Variants in FAHD2A observed in about 807,000 individuals in gnomAD.
The protein encoded by FAHD2A is fumarylacetoacetate hydrolase domain containing 2A.
A neutral mutation model predicts 33.4 loss-of-function variants in FAHD2A; 27 were observed. The observed-to-expected ratio is 0.81, with a 90% CI of 0.60 to 1.11. FAHD2A has a LOEUF of 1.11. Ranked by LOEUF, FAHD2A falls within the 50% of genes most tolerant of loss-of-function variation. FAHD2A has a pLI of 0.00. For missense variants in FAHD2A, 296 were observed against 395.0 expected (o/e 0.75, Z 2.12); for synonymous variants, 130 against 153.3 (o/e 0.85, Z 1.12).
chr2:95,407,193 G>A (rs1239393282), intron 3 of FAHD2A, 36 bp downstream of exon 3: 1 of 1,611,316 alleles, frequency 6.2e-7, no homozygotes, highest in Non-Finnish European at 8.5e-7. Flanking sequence ...TAGTCACTGG[G>A]CCCATCACAA....
At position 95,413,686 on chromosome 2, in the gene FAHD2A, GTGTT is replaced by G; in HGVS notation, c.*732_*735del. The stretch of plus-strand genomic sequence containing the variant: ...GAGACCTCTGACCCCTTAGGCCTCA[GTGTT>G]TGAGTGCAAATGCTGCCTCAAAGCA... On this transcript the variant is annotated 3_prime_UTR_variant, in exon 8 of 8. Coordinates refer to ENST00000233379, the MANE Select transcript of FAHD2A (RefSeq NM_016044.3). 9.0e-7 allele frequency: 1 copy of G among 1,109,380 alleles called. No individual in the cohort carries two copies. The highest frequency in any genetic ancestry group is 1.3e-6 in the Non-Finnish European group (1 of 791,290). 68.7% of individuals were successfully genotyped at this position (1,109,380 alleles called of 1,614,324 possible). A position where few individuals can be genotyped will look rare whatever the true frequency, so the allele number is the denominator to read the frequency against.
intron 6 of FAHD2A, 30 bp downstream of exon 6, chr2:95,412,572 C>T (rs770101719): frequency 2.5e-5 from 40 of 1,613,328 alleles, no homozygotes; most frequent in East Asian, 8.9e-5. Context: ...CTGCCAGCCC[C>T]GCTTCACCTG....
Position 95,410,925 on chromosome 2 carries a change from AC to A in FAHD2A, c.585del (p.Trp196GlyfsTer3). ...GTGGCTCATGACGTGAGTGCTCGTG[AC>A]TGGCAAATGAGACGTAATGGGAAAC... is the stretch of plus-strand genomic sequence containing the variant. Reference protein sequence around the residue: ...FTVAHDVSARDWQMRRNGKQW... With the variant: ...FTVAHDVSARXWQMRRNGKQW... On this transcript the variant is annotated frameshift_variant, in exon 5 of 8. Coordinates refer to ENST00000233379, the MANE Select transcript of FAHD2A (RefSeq NM_016044.3). LOFTEE classifies it high-confidence loss of function. 6.2e-7 allele frequency: 1 copy of A among 1,613,986 alleles called. No homozygotes were observed. The highest frequency in any genetic ancestry group is 8.5e-7 in the Non-Finnish European group (1 of 1,179,852).
At chr2:95,407,507 AC>A (rs1383302712) in intron 3 of FAHD2A, 1 of 243,620 alleles carries the variant, frequency 4.1e-6, no homozygotes, top group African/African-American at 2.2e-5. Flanking sequence ...ACATATACTT[AC>A]CTTTTACTTA....
chr2:95,408,801 CAT>C (rs1352481230), intron 3 of FAHD2A, among the ~76,000 whole-genome samples: 1 of 152,206 alleles, frequency 6.6e-6, no homozygotes, highest in Non-Finnish European at 1.5e-5. Context: ...CTTTGCGTGT[CAT>C]ATGTTCTGTT....
At position 95,414,307 on chromosome 2, in the gene FAHD2A, G is replaced by T; in HGVS notation, c.*1350G>T. 9.2e-7 allele frequency: 1 copy of T among 1,083,016 alleles called. No individual in the cohort carries two copies. The highest frequency in any genetic ancestry group is 1.4e-6 in the Non-Finnish European group (1 of 703,328). The allele number at this position is 1,083,016 out of a possible 1,614,324, so 67.1% of individuals were successfully genotyped here. A position where few individuals can be genotyped will look rare whatever the true frequency, so the allele number is the denominator to read the frequency against. On this transcript the variant is annotated 3_prime_UTR_variant, in exon 8 of 8. Transcript: ENST00000233379. ...GAACTGGAACAGCTGTTGGAGAGGA[G>T]AAGAAAAAGAAGACATCAAAAAGAA...
At chr2:95,408,706 C>T (rs577691520) in intron 3 of FAHD2A, among the ~76,000 whole-genome samples, 5 of 152,284 alleles carry the variant, frequency 3.3e-5, no homozygotes, top group East Asian at 1.9e-4. Context: ...TCCCATAGCA[C>T]GTTAGAATTA....
chr2:95,403,303 A>G (rs974311835), intron 1 of FAHD2A, among the ~76,000 whole-genome samples: 2 of 152,070 alleles, frequency 1.3e-5, no homozygotes, highest in African/African-American at 4.8e-5. Flanking sequence ...CTTTAAAGTG[A>G]GGGCGCTCTA....
chr2:95,408,585 A>G (rs897038165), intron 3 of FAHD2A, among the ~76,000 whole-genome samples: 1 of 152,240 alleles, frequency 6.6e-6, no homozygotes, highest in African/African-American at 2.4e-5. Flanking sequence ...GAGCTTGTGC[A>G]GAGAAACTCC....
intron 3 of FAHD2A, 61 bp downstream of exon 3, chr2:95,407,218 C>T: frequency 3.8e-6 from 6 of 1,597,546 alleles, no homozygotes; most frequent in Non-Finnish European, 5.1e-6. Context: ...ATTCTGAGCT[C>T]AGTATTGAGC....
Position 95,411,044 on chromosome 2 carries a change from G to A in FAHD2A, c.685+18G>A. ...TGTAGCAGGTAGGTCCCTGGTCCCTGCCCCCTTATACCTACCATTGCACAG... is the reference window on the plus strand; with the variant it reads ...TGTAGCAGGTAGGTCCCTGGTCCCTACCCCCTTATACCTACCATTGCACAG... On this transcript the variant is annotated intron_variant, in intron 5 of 7. Transcript: ENST00000233379. 6.2e-7 allele frequency: 1 copy of A among 1,613,398 alleles called. No individual in the cohort carries two copies. The highest frequency in any genetic ancestry group is 8.5e-7 in the Non-Finnish European group (1 of 1,179,552).
intron 1 of FAHD2A, among the ~76,000 whole-genome samples, chr2:95,403,427 T>A (rs759743467): frequency 2.0e-5 from 3 of 152,202 alleles, no homozygotes; most frequent in Non-Finnish European, 2.9e-5. Context: ...GCCTCGTCCC[T>A]GAGGCAACAG....
chr2:95,412,635 A>T, intron 6 of FAHD2A, 42 bp from the exon 7 acceptor site: 1 of 1,613,748 alleles, frequency 6.2e-7, no homozygotes, highest in Non-Finnish European at 8.5e-7. Context: ...TGGCCACCTC[A>T]GCCAGCCCCT....
intron 5 of FAHD2A, 21 bp from the exon 6 acceptor site, chr2:95,412,413 G>C: frequency 1.2e-6 from 2 of 1,612,832 alleles, no homozygotes; most frequent in East Asian, 2.2e-5. Flanking sequence ...ATAACTCCAA[G>C]GTACCATCTT....
chr2:95,412,510 C>G lies in FAHD2A; in HGVS notation c.762C>G (p.Phe254Leu), dbSNP rs776494078. Residue 254 changes from phenylalanine to leucine, a missense_variant, in exon 6 of 8, where the codon TTC becomes TTG. By Grantham distance (22) the Phe-to-Leu change is conservative. Transcript: ENST00000233379. ...GCGGCAACACCAACCAGATGGTATT[C>G]AAGACAGAGGACCTGATAGCCTGGG... is the stretch of plus-strand genomic sequence containing the variant. ...VQSGNTNQMV[F>L]KTEDLIAWVS... is the part of the protein sequence containing the mutation. 11 of 1,613,984 alleles carry G rather than the reference C, an allele frequency of 6.8e-6. No individual in the cohort carries two copies. The highest frequency in any genetic ancestry group is 9.3e-6 in the Non-Finnish European group (11 of 1,179,870).
At chr2:95,411,478 T>A (rs1416141643) in intron 5 of FAHD2A, among the ~76,000 whole-genome samples, 1 of 152,262 alleles carries the variant, frequency 6.6e-6, no homozygotes, top group Non-Finnish European at 1.5e-5. Flanking sequence ...ATGGGGGCAG[T>A]GCCCCAGAGG....
rs951322723 is a variant in FAHD2A, at chr2:95,415,307, GCT to G, written c.*2356_*2357del. On this transcript the variant is annotated 3_prime_UTR_variant, in exon 8 of 8. Transcript: ENST00000233379. ...CAGCCACTGCCCCAGACCCACCTTG[GCT>G]CTCTCCTCACTAACACCCGAGAAGC... 107 of 152,058 alleles carry G rather than the reference GCT, an allele frequency of 7.0e-4. 1 individual carries two copies. The highest frequency in any genetic ancestry group is 2.3e-3 in the African/African-American group (97 of 41,464). 9.4% of individuals were successfully genotyped at this position (152,058 alleles called of 1,614,324 possible).
Position 95,407,020 on chromosome 2 carries a change from G to T in FAHD2A, c.325G>T (p.Val109Leu). ...LAPVTRPDKV[V>L]CVGMNYVDHC... Reference sequence around the variant, plus strand: ...TCCAGTCACACGACCAGATAAGGTGGTGTGTGTGGGCATGAATTATGTGGA... The same window carrying T: ...TCCAGTCACACGACCAGATAAGGTGTTGTGTGTGGGCATGAATTATGTGGA... Residue 109 changes from valine to leucine, a missense_variant, in exon 3 of 8, where the codon GTG becomes TTG. Val to Leu is a conservative substitution (Grantham distance 32). Coordinates refer to ENST00000233379, the MANE Select transcript of FAHD2A (RefSeq NM_016044.3). The T allele has an allele frequency of 1.2e-6, 2 of 1,613,962 alleles. No individual in the cohort carries two copies. Among genetic ancestry groups the T allele is most frequent in the Admixed American group, 3.3e-5 (2 of 60,016 alleles).
At chr2:95,406,155 G>A (rs1466347753) in intron 2 of FAHD2A, among the ~76,000 whole-genome samples, 1 of 127,218 alleles carries the variant, frequency 7.9e-6, no homozygotes, top group Admixed American at 8.6e-5. Flanking sequence ...ATGCAGCTGG[G>A]GGAGTGATAT....
Sources: allele counts gnomAD v4.1 joint callset (sites outside exome capture counted in the v4.1 genomes callset), GRCh38; gene constraint gnomAD v4.1.1; transcripts MANE v1.5; gene names NCBI Gene and HGNC (gene_info 2026-07-23, HGNC 2026-07-21).